ADAMTS5: variants seen among roughly 807,000 people sequenced by gnomAD.
ADAMTS5 encodes the protein ADAM metallopeptidase with thrombospondin type 1 motif 5, also known as A disintegrin and metalloproteinase with thrombospondin motifs 5.
Under a neutral mutation model 81.4 loss-of-function variants are expected in ADAMTS5, and 54 were observed. That is an observed-to-expected ratio of 0.66 (90% CI 0.53 to 0.83). The LOEUF (loss-of-function observed/expected upper bound fraction) is 0.83. ADAMTS5 is among the 40% of genes least tolerant of loss of function. The pLI is 0.00. For synonymous variants in ADAMTS5, 532 were observed against 508.8 expected (o/e 1.05, Z -0.61); for missense variants, 1,194 against 1,229.9 (o/e 0.97, Z 0.44).
At chr21:26,928,064 A>T (rs1986836961) in intron 7 of ADAMTS5, among the ~76,000 whole-genome samples, 1 of 152,172 alleles carries the variant, frequency 6.6e-6, no homozygotes, top group African/African-American at 2.4e-5. Flanking sequence ...CTTAAAATTG[A>T]TGAAATATTT....
intron 3 of ADAMTS5, among the ~76,000 whole-genome samples, chr21:26,935,584 T>A (rs1986998885): frequency 6.6e-6 from 1 of 152,228 alleles, no homozygotes; most frequent in Non-Finnish European, 1.5e-5. Flanking sequence ...TGTTGAGTAT[T>A]TGGATCTATC....
chr21:26,945,978 C>T (rs1387409521), intron 2 of ADAMTS5, among the ~76,000 whole-genome samples: 1 of 152,140 alleles, frequency 6.6e-6, no homozygotes, highest in Non-Finnish European at 1.5e-5. Context: ...GGCGAATGAA[C>T]ACTCTGTGCT....
intron 3 of ADAMTS5, among the ~76,000 whole-genome samples, chr21:26,940,782 G>T (rs943275043): frequency 1.3e-5 from 2 of 152,044 alleles, no homozygotes; most frequent in Non-Finnish European, 2.9e-5. Context: ...TATCATCTTG[G>T]ACTGTGACTG....
chr21:26,931,468 C>T lies in ADAMTS5; in HGVS notation c.2049+536G>A, dbSNP rs371192341. On this transcript the variant is annotated intron_variant, in intron 6 of 7. Transcript: ENST00000284987. ...CACTTGTGAAAAATAAGGCATGTTC[C>T]ATACACAAATATTATACACATACAC... Among the ~76,000 whole-genome samples, 9 of 152,206 alleles carry T rather than the reference C, an allele frequency of 5.9e-5. No individual in the cohort carries two copies. In the South Asian group the frequency reaches 1.2e-3, roughly 21 times the overall value.
intron 7 of ADAMTS5, among the ~76,000 whole-genome samples, chr21:26,926,643 G>A (rs1418521075): frequency 6.7e-6 from 1 of 149,900 alleles, no homozygotes; most frequent in Non-Finnish European, 1.5e-5. Flanking sequence ...ATTCCAGCCT[G>A]GGCAACAGAG....
rs1275165539 is a variant in ADAMTS5, at chr21:26,921,304, G to T, written c.*2749C>A. On this transcript the variant is annotated 3_prime_UTR_variant, in exon 8 of 8. Coordinates refer to ENST00000284987, the MANE Select transcript of ADAMTS5 (RefSeq NM_007038.5). ...ACATATTTCTAAACAGCAAGGCAGGGCTTAATTTAAATTTTTCTGATCTAG... is the reference window on the plus strand; with the variant it reads ...ACATATTTCTAAACAGCAAGGCAGGTCTTAATTTAAATTTTTCTGATCTAG... The T allele has an allele frequency of 6.6e-6, 1 of 151,890 alleles. No individual in the cohort carries two copies. Among genetic ancestry groups the T allele is most frequent in the Non-Finnish European group, 1.5e-5 (1 of 67,840 alleles). 9.4% of individuals were successfully genotyped at this position (151,890 alleles called of 1,614,324 possible).
chr21:26,954,624 C>G, intron 2 of ADAMTS5, 115 bp downstream of exon 2: 1 of 1,462,804 alleles, frequency 6.8e-7, no homozygotes, highest in Non-Finnish European at 9.2e-7. Flanking sequence ...AATTTAATTC[C>G]CAGTGGTACA....
In ADAMTS5 at chr21:26,965,627, C is replaced by T. The variant is rs1308829322; in HGVS notation, c.765G>A (p.Trp255Ter). Residue 255 changes from tryptophan to a stop codon, truncating the protein, a stop_gained, in exon 1 of 8, where the codon TGG (tryptophan) becomes TGA (stop). Transcript: ENST00000284987. LOFTEE classifies it high-confidence loss of function. Reference protein sequence around the residue: ...SPAGGSGPQTWWRRRRRSISR... With the variant: ...SPAGGSGPQT Reference sequence around the variant, plus strand: ...AGATGGAGCGGCGCCGCCGCCGCCACCACGTCTGCGGTCCTGAGCCCCCAG... The same window carrying T: ...AGATGGAGCGGCGCCGCCGCCGCCATCACGTCTGCGGTCCTGAGCCCCCAG... 1 of 1,597,352 alleles carries T rather than the reference C, an allele frequency of 6.3e-7. No homozygotes were observed. Among genetic ancestry groups the T allele is most frequent in the East Asian group, 2.3e-5 (1 of 44,298 alleles).
intron 4 of ADAMTS5, 111 bp from the exon 5 acceptor site, chr21:26,933,155 C>T: frequency 8.7e-7 from 1 of 1,143,518 alleles, no homozygotes; most frequent in East Asian, 2.6e-5. Flanking sequence ...GTCACAGATA[C>T]AGTTATATTT....
At chr21:26,940,581 G>A (rs892610433) in intron 3 of ADAMTS5, among the ~76,000 whole-genome samples, 5 of 151,968 alleles carry the variant, frequency 3.3e-5, no homozygotes, top group African/African-American at 1.2e-4. Flanking sequence ...CATCCATCAT[G>A]ACTATTTTAT....
chr21:26,934,548 G>T lies in ADAMTS5; in HGVS notation c.1607C>A (p.Ala536Glu). ...CTTTCCACAAGGCGTCCCTTCCACC[G>T]CAGGCAGCTTCTTGGTCAGACAGAC... The part of the protein sequence containing the change: ...QMVCLTKKLP[A>E]VEGTPCGKGR... The change falls in exon 4 of 8, where the codon GCG (alanine) becomes GAG (glutamate). Residue 536 changes from alanine to glutamate, a missense_variant. Ala to Glu is a moderately radical substitution (Grantham distance 107). Around this residue, in one of 2 missense-constraint regions of ADAMTS5, gnomAD observed 696 missense variants for 817.6 expected, o/e 0.85. Coordinates refer to ENST00000284987, the MANE Select transcript of ADAMTS5 (RefSeq NM_007038.5). 2 of 1,614,046 alleles carry T rather than the reference G, an allele frequency of 1.2e-6. No individual in the cohort carries two copies. The highest frequency in any genetic ancestry group is 1.7e-6 in the Non-Finnish European group (2 of 1,180,014).
At position 26,924,233 on chromosome 21, in the gene ADAMTS5, T is replaced by C. The variant is rs749355338; in HGVS notation, c.2613A>G (p.Gly871=). ...SVTSHGSNKV[G]SHTSQPQWVT... ...CCCACTGCGGCTGCGAAGTGTGTGA[T>C]CCCACTTTATTGCTGCCATGACTAG... The change falls in exon 8 of 8, where the codon GGA becomes GGG. Residue 871 remains glycine (G), a synonymous_variant. Transcript: ENST00000284987. 9.9e-6 allele frequency: 16 copies of C among 1,614,180 alleles called. No homozygotes were observed. The highest frequency in any genetic ancestry group is 1.3e-5 in the Non-Finnish European group (15 of 1,180,022).
At chr21:26,929,002 A>G (rs144965571) in intron 7 of ADAMTS5, among the ~76,000 whole-genome samples, 70 of 152,306 alleles carry the variant, frequency 4.6e-4, no homozygotes, top group African/African-American at 1.5e-3. Flanking sequence ...TTCATTAGCA[A>G]ATAGAATTAG....
intron 3 of ADAMTS5, among the ~76,000 whole-genome samples, chr21:26,935,652 G>A (rs565686851): frequency 2.2e-4 from 33 of 152,262 alleles, no homozygotes; most frequent in African/African-American, 7.7e-4. Context: ...AGGCAGAGGG[G>A]TGAGATGGGG....
At chr21:26,960,220 T>C (rs1317665324) in intron 1 of ADAMTS5, among the ~76,000 whole-genome samples, 2 of 152,214 alleles carry the variant, frequency 1.3e-5, no homozygotes. Context: ...GAGCCTCCTC[T>C]TGAAGATTTC....
intron 2 of ADAMTS5, among the ~76,000 whole-genome samples, chr21:26,946,395 T>C (rs1453457443): frequency 6.6e-6 from 1 of 152,170 alleles, no homozygotes; most frequent in Admixed American, 6.5e-5. Context: ...CACGCTATGA[T>C]ACCAAAAGCT....
chr21:26,964,579 G>A (rs1987599291), intron 1 of ADAMTS5, among the ~76,000 whole-genome samples: 3 of 152,186 alleles, frequency 2.0e-5, no homozygotes, highest in Admixed American at 1.3e-4. Flanking sequence ...CAGTGCTTGC[G>A]ACGCACTGGT....
At chr21:26,932,225 T>G (rs376539140) in intron 5 of ADAMTS5, 46 bp from the exon 6 acceptor site, 11 of 1,567,820 alleles carry the variant, frequency 7.0e-6, no homozygotes, top group African/African-American at 5.4e-5. Context: ...GTTCTGAAAC[T>G]TAGATATATT....
chr21:26,966,209 C>A lies in ADAMTS5; in HGVS notation c.183G>T (p.Pro61=). 1.3e-6 allele frequency: 2 copies of A among 1,596,154 alleles called. No individual in the cohort carries two copies. Among genetic ancestry groups the A allele is most frequent in the Middle Eastern group, 1.7e-4 (1 of 5,960 alleles). ...VQERAEPPGH[P]HPLAQRRRSK... is the part of the protein sequence containing the mutation. ...TCCTGCGCCGCTGCGCCAGGGGGTG[C>A]GGGTGGCCGGGAGGCTCGGCTCGCT... Residue 61 remains proline, a synonymous_variant, in exon 1 of 8, where the codon CCG becomes CCT. Coordinates refer to ENST00000284987, the MANE Select transcript of ADAMTS5 (RefSeq NM_007038.5).
Sources: allele counts gnomAD v4.1 joint callset (sites outside exome capture counted in the v4.1 genomes callset), GRCh38; gene constraint gnomAD v4.1.1; regional missense constraint gnomAD v4.1.1; transcripts MANE v1.5; gene names NCBI Gene and HGNC (gene_info 2026-07-23, HGNC 2026-07-21).